The following OR2L13 variants were observed in gnomAD, a reference collection of about 807,000 sequenced individuals.
OR2L13 encodes olfactory receptor 2L13.
A neutral mutation model predicts 15.3 loss-of-function variants in OR2L13; 14 were observed. The ratio of observed to expected loss-of-function variants is 0.91; its 90% confidence interval spans 0.60 to 1.43. The LOEUF (loss-of-function observed/expected upper bound fraction) is 1.43. OR2L13 is among the 40% of genes most tolerant of loss of function. The pLI is 0.00. For synonymous variants in OR2L13, 152 were observed against 142.9 expected (o/e 1.06, Z -0.45); for missense variants, 367 against 387.9 (o/e 0.95, Z 0.45).
chr1:248,043,669 C>G, the OR2L13 span, among the ~76,000 whole-genome samples: 1 of 152,030 alleles, frequency 6.6e-6, no homozygotes, highest in African/African-American at 2.4e-5. Flanking sequence ...GGATCCTGCA[C>G]AAGGAAGAAT....
the OR2L13 span, among the ~76,000 whole-genome samples, chr1:248,082,778 C>G: frequency 6.6e-6 from 1 of 152,276 alleles, no homozygotes; most frequent in South Asian, 2.1e-4. Context: ...TAAGGTGACT[C>G]AATTATGTAT....
the OR2L13 span, among the ~76,000 whole-genome samples, chr1:247,999,287 C>T: frequency 1.3e-5 from 2 of 152,128 alleles, no homozygotes; most frequent in African/African-American, 4.8e-5. Context: ...TCCAAAATAA[C>T]AGACAAAGGA....
At chr1:247,990,826 G>A in the OR2L13 span, 1 of 1,595,432 alleles carries the variant, frequency 6.3e-7, no homozygotes, top group Non-Finnish European at 8.6e-7. Flanking sequence ...GTTGACCCTA[G>A]CCTGCACGGA....
the OR2L13 span, among the ~76,000 whole-genome samples, chr1:247,972,370 C>CA: frequency 0.89 from 134,775 of 151,910 alleles, 60,260 homozygotes; most frequent in South Asian, 0.97. Context: ...AGACAACTAG[C>CA]GACAAATAAA....
the OR2L13 span, chr1:248,087,420 A>T: frequency 6.6e-6 from 1 of 152,216 alleles, no homozygotes; most frequent in South Asian, 2.1e-4. Flanking sequence ...TGCTGAATAC[A>T]TAATAAATAC....
chr1:248,013,601 G>A, the OR2L13 span: 2 of 151,214 alleles, frequency 1.3e-5, no homozygotes, highest in Non-Finnish European at 2.9e-5. Flanking sequence ...GTGTAGGGAT[G>A]ATCAATGAAT....
the OR2L13 span, chr1:248,061,644 A>G: frequency 6.3e-7 from 1 of 1,589,576 alleles, no homozygotes; most frequent in Non-Finnish European, 8.6e-7. Flanking sequence ...CTAAGGTCTC[A>G]GGACTCAGAT....
chr1:247,978,709 A>G, the OR2L13 span, among the ~76,000 whole-genome samples: 1 of 152,118 alleles, frequency 6.6e-6, no homozygotes, highest in Non-Finnish European at 1.5e-5. Flanking sequence ...GAAATGTTCA[A>G]TTCCCACTTC....
the OR2L13 span, among the ~76,000 whole-genome samples, chr1:247,989,962 G>A: frequency 6.6e-6 from 1 of 151,984 alleles, no homozygotes; most frequent in South Asian, 2.1e-4. Context: ...AATAAACACC[G>A]TTCAATAAGA....
chr1:248,038,297 T>C, the OR2L13 span: 1 of 1,612,166 alleles, frequency 6.2e-7, no homozygotes, highest in Non-Finnish European at 8.5e-7. Context: ...CATCAACTGA[T>C]TTCATCTTAT....
chr1:248,096,232 A>T (rs1210302131), upstream of OR2L13, among the ~76,000 whole-genome samples: 1 of 151,690 alleles, frequency 6.6e-6, no homozygotes, highest in Non-Finnish European at 1.5e-5. Flanking sequence ...CAAAAATAAA[A>T]ATTAGCCGGG....
chr1:248,072,202 G>A, the OR2L13 span, among the ~76,000 whole-genome samples: 1 of 152,062 alleles, frequency 6.6e-6, no homozygotes, highest in Non-Finnish European at 1.5e-5. Context: ...AAAGCTAGAG[G>A]CATCACGCTA....
At chr1:247,949,782 T>C in the OR2L13 span, 7 of 1,610,930 alleles carry the variant, frequency 4.3e-6, no homozygotes, top group East Asian at 1.3e-4. Context: ...GAGAATCTGC[T>C]CTGTGAAAAT....
chr1:248,055,046 G>A, the OR2L13 span, among the ~76,000 whole-genome samples: 2 of 152,220 alleles, frequency 1.3e-5, no homozygotes, highest in Admixed American at 6.5e-5. Flanking sequence ...TCCAGTTTTT[G>A]CCCATTCAGT....
At chr1:248,022,497 T>C in the OR2L13 span, 2 of 1,614,240 alleles carry the variant, frequency 1.2e-6, no homozygotes, top group South Asian at 2.2e-5. Context: ...TCCAGCTATG[T>C]TGACATTAGC....
chr1:247,947,797 G>C, the OR2L13 span, among the ~76,000 whole-genome samples: 2 of 152,160 alleles, frequency 1.3e-5, no homozygotes, highest in Non-Finnish European at 2.9e-5. Context: ...ATTTATTCTA[G>C]GTTTCTAAAT....
the OR2L13 span, among the ~76,000 whole-genome samples, chr1:248,012,701 T>C: frequency 2.0e-5 from 3 of 152,112 alleles, no homozygotes; most frequent in Non-Finnish European, 4.4e-5. Context: ...TTGCTAGTAA[T>C]ATACACTACC....
At chr1:248,009,730 C>T in the OR2L13 span, among the ~76,000 whole-genome samples, 5 of 152,178 alleles carry the variant, frequency 3.3e-5, no homozygotes, top group Admixed American at 2.6e-4. Context: ...AAATTTCAGG[C>T]CAATATTCTT....
chr1:248,046,412 A>C, the OR2L13 span, among the ~76,000 whole-genome samples: 1 of 152,222 alleles, frequency 6.6e-6, no homozygotes, highest in African/African-American at 2.4e-5. Context: ...ATGCAGACGC[A>C]TTGTTACTGT....
Sources: gnomAD v4.1 joint callset for allele counts (sites outside exome capture counted in the v4.1 genomes callset) on GRCh38, gnomAD v4.1.1 for gene constraint, MANE v1.5 for transcripts, NCBI Gene and HGNC (gene_info 2026-07-23, HGNC 2026-07-21) for gene names.